FAM78B: variants seen among roughly 807,000 people sequenced by gnomAD.
FAM78B encodes family with sequence similarity 78 member B.
Under a neutral mutation model 20.0 loss-of-function variants are expected in FAM78B, and 10 were observed. The observed-to-expected ratio is 0.50, with a 90% CI of 0.31 to 0.85. FAM78B has a LOEUF of 0.85. FAM78B is among the 40% of genes least tolerant of loss of function. The pLI, the probability that FAM78B is intolerant of heterozygous loss-of-function variation, is 0.05. For missense variants in FAM78B, 283 were observed against 345.0 expected (o/e 0.82, Z 1.42); for synonymous variants, 135 against 132.8 (o/e 1.02, Z -0.12).
intron 1 of FAM78B, among the ~76,000 whole-genome samples, chr1:166,117,110 A>AC (rs1654289838): frequency 6.6e-6 from 1 of 152,034 alleles, no homozygotes; most frequent in East Asian, 1.9e-4. Flanking sequence ...GAATTTTCAG[A>AC]CCCCCCAGAA....
chr1:166,160,899 C>A (rs1047077973), intron 1 of FAM78B, among the ~76,000 whole-genome samples: 3 of 152,142 alleles, frequency 2.0e-5, no homozygotes, highest in African/African-American at 7.2e-5. Flanking sequence ...ATAAGAACAG[C>A]GCATCTTGAA....
intron 1 of FAM78B, among the ~76,000 whole-genome samples, chr1:166,124,371 T>G (rs1654568577): frequency 6.6e-6 from 1 of 152,190 alleles, no homozygotes; most frequent in African/African-American, 2.4e-5. Flanking sequence ...ACAATGATGA[T>G]AACAACAAAA....
At chr1:166,152,034 T>C (rs569806835) in intron 1 of FAM78B, among the ~76,000 whole-genome samples, 2 of 152,330 alleles carry the variant, frequency 1.3e-5, no homozygotes, top group South Asian at 4.1e-4. Context: ...CTAGAGTCTC[T>C]GTCAGATACA....
At chr1:166,109,882 G>GTATATA (rs1274176169) in intron 1 of FAM78B, among the ~76,000 whole-genome samples, 260 of 12,192 alleles carry the variant, frequency 0.021, 13 homozygotes, top group South Asian at 0.04. Flanking sequence ...ATATATATAT[G>GTATATA]TATATATGTA....
chr1:166,120,234 T>G (rs1185683174), intron 1 of FAM78B, among the ~76,000 whole-genome samples: 1 of 152,220 alleles, frequency 6.6e-6, no homozygotes, highest in Non-Finnish European at 1.5e-5. Flanking sequence ...TTTTCCTCAT[T>G]TTATACACAT....
exon 3 of FAM78B, chr1:166,058,985 T>C (rs1651466902): frequency 6.6e-6 from 1 of 152,544 alleles, no homozygotes; most frequent in African/African-American, 2.4e-5. Context: ...TCAACTCAGG[T>C]GGCTCTGCAG....
intron 1 of FAM78B, among the ~76,000 whole-genome samples, chr1:166,088,114 A>G (rs1304282140): frequency 6.6e-6 from 1 of 152,198 alleles, no homozygotes; most frequent in Non-Finnish European, 1.5e-5. Context: ...AACACTCAAG[A>G]GACTGGCTTT....
intron 1 of FAM78B, among the ~76,000 whole-genome samples, chr1:166,072,213 G>A (rs992883507): frequency 1.3e-5 from 2 of 152,124 alleles, no homozygotes; most frequent in Non-Finnish European, 1.5e-5. Context: ...ATCACATGGG[G>A]ACATGGAGAC....
chr1:166,084,237 A>ACACACTCTCTCT (rs771421402), intron 1 of FAM78B, among the ~76,000 whole-genome samples: 4,969 of 125,268 alleles, frequency 0.04, 130 homozygotes, highest in Admixed American at 0.1. Flanking sequence ...ACACACACAC[A>ACACACTCTCTCT]CTCTCTCTCT....
Position 166,157,045 on chromosome 1 carries a change from G to T in FAM78B, c.263+8941C>A, listed in dbSNP as rs1328171233. Among the ~76,000 whole-genome samples the T allele has an allele frequency of 5.0e-4, 46 of 91,234 alleles. 3 individuals carry two copies. Among genetic ancestry groups the T allele is most frequent in the Non-Finnish European group, 3.4e-4 (14 of 40,990 alleles). The allele number at this position is 91,234 out of a possible 152,430, so 59.9% of individuals were successfully genotyped here. On this transcript the variant is annotated intron_variant, in intron 1 of 1. Coordinates refer to ENST00000354422, the MANE Select transcript of FAM78B (RefSeq NM_001017961.5). ...GTCAAGGGGGCGGCGGAGGGGGGGG[G>T]GGGGCTCCAATGCCTTCCTCTGAGT...
downstream of FAM78B, among the ~76,000 whole-genome samples, chr1:166,056,927 A>C (rs1377858942): frequency 2.0e-5 from 3 of 152,186 alleles, no homozygotes; most frequent in Admixed American, 6.5e-5. Context: ...TTAGGTCATG[A>C]AGACAGACCT....
chr1:166,100,535 A>G (rs1653470710), intron 1 of FAM78B, among the ~76,000 whole-genome samples: 1 of 152,224 alleles, frequency 6.6e-6, no homozygotes, highest in South Asian at 2.1e-4. Flanking sequence ...ACAGCACACC[A>G]GGAGATTATA....
At chr1:166,105,651 A>G (rs1653743342) in intron 1 of FAM78B, among the ~76,000 whole-genome samples, 1 of 152,196 alleles carries the variant, frequency 6.6e-6, no homozygotes, top group East Asian at 1.9e-4. Flanking sequence ...CAAAACCACA[A>G]TGAGACACTA....
At chr1:166,153,247 CAGAG>C (rs1240943769) in intron 1 of FAM78B, among the ~76,000 whole-genome samples, 2 of 152,074 alleles carry the variant, frequency 1.3e-5, no homozygotes, top group African/African-American at 2.4e-5. Context: ...TTTATCTCTC[CAGAG>C]AGAGAGGGGG....
At chr1:166,103,459 G>C (rs181521736) in intron 1 of FAM78B, among the ~76,000 whole-genome samples, 1 of 152,176 alleles carries the variant, frequency 6.6e-6, no homozygotes, top group Admixed American at 6.5e-5. Flanking sequence ...ACGTTAGCAA[G>C]ACTAATAAAG....
At chr1:166,140,555 G>A (rs1389667523) in intron 1 of FAM78B, among the ~76,000 whole-genome samples, 1 of 152,206 alleles carries the variant, frequency 6.6e-6, no homozygotes, top group Non-Finnish European at 1.5e-5. Flanking sequence ...TCTGCTTAAG[G>A]GAAAGATGAT....
intron 1 of FAM78B, among the ~76,000 whole-genome samples, chr1:166,134,511 A>AAGT (rs1364429016): frequency 1.3e-5 from 2 of 149,668 alleles, no homozygotes; most frequent in African/African-American, 4.9e-5. Context: ...CAGAACATTA[A>AAGT]AGTAGTAATA....
chr1:166,081,525 G>A (rs981965093), intron 1 of FAM78B, among the ~76,000 whole-genome samples: 11 of 152,306 alleles, frequency 7.2e-5, no homozygotes, highest in Admixed American at 2.0e-4. Context: ...TCTAATGCCT[G>A]CAGAGCGCCG....
intron 1 of FAM78B, among the ~76,000 whole-genome samples, chr1:166,113,171 G>A (rs1232604540): frequency 6.6e-6 from 1 of 152,164 alleles, no homozygotes; most frequent in African/African-American, 2.4e-5. Flanking sequence ...CTCTCAACAC[G>A]GCCTCTGGAC....
Sources: allele counts gnomAD v4.1 joint callset (sites outside exome capture counted in the v4.1 genomes callset), GRCh38; gene constraint gnomAD v4.1.1; transcripts MANE v1.5; gene names NCBI Gene and HGNC (gene_info 2026-07-23, HGNC 2026-07-21).